WWOX: variants seen among roughly 807,000 people sequenced by gnomAD.
WWOX encodes WW domain-containing oxidoreductase.
WWOX carries 69 observed loss-of-function variants against 46.2 expected under a neutral mutation model. The observed-to-expected ratio is 1.49, with a 90% CI of 1.23 to 1.82. WWOX has a LOEUF of 1.82. Among genes scored for constraint, WWOX ranks in the 40% most tolerant of loss-of-function variants. WWOX has a pLI of 0.00. For missense variants in WWOX, 919 were observed against 542.6 expected (o/e 1.69, Z -6.89); for synonymous variants, 359 against 202.6 (o/e 1.77, Z -6.56).
At chr16:78,945,093 TTGC>T in intron 8 of WWOX, among the ~76,000 whole-genome samples, 1 of 152,026 alleles carries the variant, frequency 6.6e-6, no homozygotes, top group Non-Finnish European at 1.5e-5. Context: ...GGTAAGGGGA[TTGC>T]TGGAGCCTGG....
intron 8 of WWOX, among the ~76,000 whole-genome samples, chr16:79,042,021 C>T (rs1011939323): frequency 6.6e-6 from 1 of 152,128 alleles, no homozygotes; most frequent in African/African-American, 2.4e-5. Context: ...TACCTTCTAT[C>T]CTACTCTTTA....
chr16:78,469,326 C>T (rs2084164666), intron 8 of WWOX, among the ~76,000 whole-genome samples: 1 of 152,114 alleles, frequency 6.6e-6, no homozygotes, highest in Non-Finnish European at 1.5e-5. Context: ...AAGAGCAGAA[C>T]AAGGAAAATA....
At chr16:79,122,322 C>A (rs747452332) in intron 8 of WWOX, among the ~76,000 whole-genome samples, 2 of 152,100 alleles carry the variant, frequency 1.3e-5, no homozygotes, top group Admixed American at 6.6e-5. Flanking sequence ...CTTGTTCAGG[C>A]GGCATTAACC....
intron 8 of WWOX, among the ~76,000 whole-genome samples, chr16:79,189,942 G>A (rs527402401): frequency 1.3e-5 from 2 of 148,340 alleles, no homozygotes; most frequent in South Asian, 2.2e-4. Flanking sequence ...GAAGGGGGGG[G>A]GGATAAAGAT....
At chr16:78,254,516 T>TTG (rs1555509559) in intron 5 of WWOX, among the ~76,000 whole-genome samples, 5 of 139,160 alleles carry the variant, frequency 3.6e-5, no homozygotes, top group African/African-American at 1.4e-4. Flanking sequence ...TTTTTTTTTT[T>TTG]TTTGTTTGAC....
intron 8 of WWOX, among the ~76,000 whole-genome samples, chr16:78,667,949 C>T (rs2047371553): frequency 6.6e-6 from 1 of 152,132 alleles, no homozygotes; most frequent in African/African-American, 2.4e-5. Context: ...GTGCTGCTCT[C>T]AGCCAAAGCT....
chr16:78,797,597 G>T (rs1172035226), intron 8 of WWOX, among the ~76,000 whole-genome samples: 1 of 152,086 alleles, frequency 6.6e-6, no homozygotes, highest in African/African-American at 2.4e-5. Flanking sequence ...CAATATTCCT[G>T]AGCTTCCATG....
At chr16:78,305,136 A>G (rs989106305) in intron 5 of WWOX, among the ~76,000 whole-genome samples, 2 of 152,124 alleles carry the variant, frequency 1.3e-5, no homozygotes, top group Admixed American at 6.5e-5. Flanking sequence ...GTGTAAATCA[A>G]AGCTTCTCCT....
chr16:78,513,047 AAAAGTT>A (rs1403671182), intron 8 of WWOX, among the ~76,000 whole-genome samples: 5 of 152,202 alleles, frequency 3.3e-5, no homozygotes, highest in South Asian at 2.1e-4. Context: ...GCCCGAGATT[AAAAGTT>A]AAAGTTAAGT....
intron 6 of WWOX, among the ~76,000 whole-genome samples, chr16:78,412,825 T>A (rs1423331648): frequency 6.6e-6 from 1 of 152,158 alleles, no homozygotes; most frequent in Non-Finnish European, 1.5e-5. Context: ...GGAGACTGAA[T>A]GGAGATGAAT....
chr16:78,328,786 T>C (rs2080690883), intron 5 of WWOX, among the ~76,000 whole-genome samples: 1 of 152,192 alleles, frequency 6.6e-6, no homozygotes, highest in Non-Finnish European at 1.5e-5. Flanking sequence ...CAGTTTTTCC[T>C]GGCCTTGGTC....
intron 8 of WWOX, among the ~76,000 whole-genome samples, chr16:78,674,163 G>C (rs2047532677): frequency 6.6e-6 from 1 of 152,022 alleles, no homozygotes; most frequent in South Asian, 2.1e-4. Context: ...CTTTGGCTCA[G>C]AGACTTATTG....
At chr16:78,262,745 A>T (rs2151838658) in intron 5 of WWOX, among the ~76,000 whole-genome samples, 1 of 152,300 alleles carries the variant, frequency 6.6e-6, no homozygotes, top group African/African-American at 2.4e-5. Context: ...CTGTGATGAC[A>T]GATAGCCCCT....
rs73580966 is a variant in WWOX at position 79,143,346 on chromosome 16, C to G, written c.1057-68262C>G. 2.9e-3 allele frequency among the ~76,000 whole-genome samples: 439 copies of G among 152,288 alleles called. 2 individuals are homozygous for G. The highest frequency in any genetic ancestry group is 0.01 in the African/African-American group (421 of 41,562). ...ATTAAATGTATTTAAATTATTTGTTCTATTAAAATGTCAGTGTATTTCTTG... is the reference window on the plus strand; with the variant it reads ...ATTAAATGTATTTAAATTATTTGTTGTATTAAAATGTCAGTGTATTTCTTG... On this transcript the variant is annotated intron_variant, in intron 8 of 8. Coordinates refer to ENST00000566780, the MANE Select transcript of WWOX (RefSeq NM_016373.4).
intron 8 of WWOX, among the ~76,000 whole-genome samples, chr16:78,601,667 TATTA>T (rs1244514117): frequency 6.6e-6 from 1 of 152,224 alleles, no homozygotes; most frequent in East Asian, 1.9e-4. Context: ...TGTGGTAGTA[TATTA>T]ATTGATGGAA....
At chr16:78,768,335 C>T (rs936303257) in intron 8 of WWOX, among the ~76,000 whole-genome samples, 3 of 141,506 alleles carry the variant, frequency 2.1e-5, no homozygotes, top group Non-Finnish European at 3.1e-5. Flanking sequence ...CATGCATGTA[C>T]TCCCAGCACT....
At chr16:78,776,141 T>G (rs955609076) in intron 8 of WWOX, among the ~76,000 whole-genome samples, 2 of 152,202 alleles carry the variant, frequency 1.3e-5, no homozygotes, top group African/African-American at 4.8e-5. Flanking sequence ...AGGGAATGCA[T>G]GGCTTGGGCT....
At chr16:79,077,033 C>T (rs1008078449) in intron 8 of WWOX, among the ~76,000 whole-genome samples, 7 of 152,132 alleles carry the variant, frequency 4.6e-5, no homozygotes, top group East Asian at 1.9e-4. Flanking sequence ...AAACAGTAGC[C>T]GATCATCAAT....
At chr16:78,546,410 G>A (rs1277657195) in intron 8 of WWOX, among the ~76,000 whole-genome samples, 1 of 152,154 alleles carries the variant, frequency 6.6e-6, no homozygotes, top group Non-Finnish European at 1.5e-5. Flanking sequence ...CACATTGAGT[G>A]TAACTAGAAA....
Sources: gnomAD v4.1 joint callset for allele counts (sites outside exome capture counted in the v4.1 genomes callset) on GRCh38, gnomAD v4.1.1 for gene constraint, MANE v1.5 for transcripts, NCBI Gene and HGNC (gene_info 2026-07-23, HGNC 2026-07-21) for gene names.